Variants in AKR1B15 observed in about 807,000 individuals in gnomAD.
The protein encoded by AKR1B15 is estradiol 17-beta-dehydrogenase AKR1B15.
AKR1B15 carries 49 observed loss-of-function variants against 38.5 expected under a neutral mutation model. The ratio of observed to expected loss-of-function variants is 1.27; its 90% CI spans 1.01 to 1.62. AKR1B15 has a LOEUF of 1.62. AKR1B15 is among the 40% of genes most tolerant of loss of function. AKR1B15 has a pLI of 0.00. For missense variants in AKR1B15, 411 were observed against 381.6 expected (o/e 1.08, Z -0.64); for synonymous variants, 137 against 135.5 (o/e 1.01, Z -0.08).
At chr7:134,559,494 G>A (rs148329302) in intron 2 of AKR1B15, among the ~76,000 whole-genome samples, 8 of 152,186 alleles carry the variant, frequency 5.3e-5, no homozygotes, top group Non-Finnish European at 1.2e-4. Flanking sequence ...AATAATCCCC[G>A]GACCATGGCC....
intron 6 of AKR1B15, among the ~76,000 whole-genome samples, chr7:134,572,860 A>G (rs1794694691): frequency 1.3e-5 from 2 of 152,184 alleles, no homozygotes; most frequent in South Asian, 4.1e-4. Context: ...AGAGTTAATC[A>G]TGTTATCTTG....
intron 11 of AKR1B15, among the ~76,000 whole-genome samples, chr7:134,578,037 G>C (rs1203889308): frequency 6.6e-6 from 1 of 152,182 alleles, no homozygotes; most frequent in Non-Finnish European, 1.5e-5. Flanking sequence ...ATAGGCAGGA[G>C]GCAGAACATT....
At chr7:134,575,645 A>C (rs1794752955) in intron 7 of AKR1B15, 103 bp downstream of exon 7, 1 of 1,579,898 alleles carries the variant, frequency 6.3e-7, no homozygotes, top group Non-Finnish European at 8.6e-7. Context: ...CTCAGGGGTC[A>C]GTGATCAGGA....
intron 5 of AKR1B15, among the ~76,000 whole-genome samples, chr7:134,570,690 A>G (rs1418847014): frequency 6.6e-6 from 1 of 152,214 alleles, no homozygotes; most frequent in Non-Finnish European, 1.5e-5. Flanking sequence ...CCAGGGCTGC[A>G]GAGTGGTGTG....
intron 2 of AKR1B15, among the ~76,000 whole-genome samples, chr7:134,558,602 C>G (rs1794282879): frequency 6.6e-6 from 1 of 152,164 alleles, no homozygotes; most frequent in Non-Finnish European, 1.5e-5. Context: ...AACCACTTAA[C>G]TTAGTTTTAG....
chr7:134,566,936 A>C (rs1040791032), intron 3 of AKR1B15, among the ~76,000 whole-genome samples: 1 of 152,248 alleles, frequency 6.6e-6, no homozygotes, highest in Non-Finnish European at 1.5e-5. Flanking sequence ...TCTCCAGGGA[A>C]TCTGCTCACC....
chr7:134,562,086 C>T (rs1376138329), intron 2 of AKR1B15, among the ~76,000 whole-genome samples: 1 of 152,232 alleles, frequency 6.6e-6, no homozygotes, highest in Non-Finnish European at 1.5e-5. Flanking sequence ...TAGGTTCAAG[C>T]AATTCTCCTG....
intron 5 of AKR1B15, 82 bp from the exon 6 acceptor site, chr7:134,571,522 G>C: frequency 9.8e-7 from 1 of 1,016,750 alleles, no homozygotes; most frequent in South Asian, 1.3e-5. Flanking sequence ...TATTTAGCAA[G>C]CATCAGGATC....
intron 5 of AKR1B15, 51 bp downstream of exon 5, chr7:134,569,580 T>A (rs1794622424): frequency 6.3e-7 from 1 of 1,594,876 alleles, no homozygotes; most frequent in Admixed American, 1.7e-5. Flanking sequence ...GTTGCAGGAA[T>A]TCAGGGACCC....
At chr7:134,559,539 G>A (rs893889932) in intron 2 of AKR1B15, among the ~76,000 whole-genome samples, 1 of 151,624 alleles carries the variant, frequency 6.6e-6, no homozygotes, top group Non-Finnish European at 1.5e-5. Context: ...TATGGGCTAG[G>A]AGGAGATGTT....
chr7:134,579,558 C>T lies in AKR1B15; in HGVS notation c.*9C>T. ...TCGATGCAGAATATTGAGGTTGAAT[C>T]TCCTGGTGAGATTACACAGGGGATT... On this transcript the variant is annotated 3_prime_UTR_variant, in exon 12 of 12. Coordinates refer to ENST00000457545, the MANE Select transcript of AKR1B15 (RefSeq NM_001080538.3). The T allele has an allele frequency of 6.3e-7, 1 of 1,595,908 alleles. No individual in the cohort carries two copies. Among genetic ancestry groups the T allele is most frequent in the Non-Finnish European group, 8.5e-7 (1 of 1,169,908 alleles).
At chr7:134,560,041 G>A (rs1305380026) in intron 2 of AKR1B15, among the ~76,000 whole-genome samples, 1 of 152,014 alleles carries the variant, frequency 6.6e-6, no homozygotes, top group Non-Finnish European at 1.5e-5. Context: ...CCGGGAGGCA[G>A]AGGTTGTAGT....
intron 2 of AKR1B15, among the ~76,000 whole-genome samples, chr7:134,558,053 T>C (rs997381137): frequency 1.3e-5 from 2 of 152,188 alleles, no homozygotes; most frequent in Non-Finnish European, 2.9e-5. Context: ...AGGGAAATGT[T>C]GTCAAAACCT....
intron 2 of AKR1B15, among the ~76,000 whole-genome samples, chr7:134,561,083 T>G (rs1467141418): frequency 1.3e-5 from 2 of 152,220 alleles, no homozygotes; most frequent in Non-Finnish European, 1.5e-5. Context: ...TATTTAGGTT[T>G]ATAGTCACAA....
chr7:134,564,454 G>T (rs1794487805), intron 2 of AKR1B15, 144 bp from the exon 3 acceptor site: 4 of 456,090 alleles, frequency 8.8e-6, no homozygotes, highest in Non-Finnish European at 1.6e-5. Flanking sequence ...CTGAAATCAG[G>T]CAATGCCTTT....
intron 2 of AKR1B15, among the ~76,000 whole-genome samples, chr7:134,562,882 C>CT (rs1422438983): frequency 7.7e-6 from 1 of 130,140 alleles, no homozygotes. Flanking sequence ...TTCTTTCTTT[C>CT]TTTCTTTCCT....
intron 2 of AKR1B15, among the ~76,000 whole-genome samples, chr7:134,557,416 C>A (rs1233063131): frequency 6.6e-6 from 1 of 152,112 alleles, no homozygotes; most frequent in Non-Finnish European, 1.5e-5. Context: ...TCTCTCTTAG[C>A]TGAGAGAGCT....
intron 3 of AKR1B15, among the ~76,000 whole-genome samples, chr7:134,566,946 C>T (rs567318484): frequency 6.6e-6 from 1 of 152,156 alleles, no homozygotes; most frequent in African/African-American, 2.4e-5. Flanking sequence ...ATCTGCTCAC[C>T]CTTCATAAGT....
At chr7:134,551,761 G>A (rs543081852) in intron 1 of AKR1B15, among the ~76,000 whole-genome samples, 3 of 152,288 alleles carry the variant, frequency 2.0e-5, no homozygotes, top group East Asian at 1.9e-4. Flanking sequence ...GGCCAGAAAC[G>A]TGAGAGGACT....
Sources: gnomAD v4.1 joint callset for allele counts (sites outside exome capture counted in the v4.1 genomes callset) on GRCh38, gnomAD v4.1.1 for gene constraint, MANE v1.5 for transcripts, NCBI Gene and HGNC (gene_info 2026-07-23, HGNC 2026-07-21) for gene names.